The following PPP2R2C variants were observed in gnomAD, a reference collection of about 807,000 sequenced individuals.
PPP2R2C encodes the protein protein phosphatase 2 regulatory subunit Bgamma, also known as protein phosphatase 2, regulatory subunit B, gamma.
A neutral mutation model predicts 45.3 loss-of-function variants in PPP2R2C; 10 were observed. That is an observed-to-expected ratio of 0.22 (90% CI 0.14 to 0.37). The LOEUF (loss-of-function observed/expected upper bound fraction) is 0.37. Ranked by LOEUF, PPP2R2C falls within the 10% of genes least tolerant of loss-of-function variation. The probability of loss-of-function intolerance (pLI) is 1.00; values close to 1 mark genes in which losing one functional copy is unlikely to be tolerated. For missense variants in PPP2R2C, 308 were observed against 619.7 expected, an observed-to-expected ratio of 0.50 and a Z score of 5.34; for synonymous variants, 257 against 245.4, an observed-to-expected ratio of 1.05 and a Z score of -0.44.
chr4:6,557,589 G>A (rs1432562163), intron 1 of PPP2R2C, among the ~76,000 whole-genome samples: 2 of 152,138 alleles, frequency 1.3e-5, no homozygotes, highest in Non-Finnish European at 2.9e-5. Flanking sequence ...CAAAGGGCCC[G>A]GGACAGGAGA....
chr4:6,549,389 G>A (rs374932572), intron 1 of PPP2R2C, among the ~76,000 whole-genome samples: 1 of 152,198 alleles, frequency 6.6e-6, no homozygotes, highest in Non-Finnish European at 1.5e-5. Context: ...ACTCCAGATG[G>A]AGGGTGGTCC....
At chr4:6,499,200 T>C (rs879434480) in intron 2 of PPP2R2C, among the ~76,000 whole-genome samples, 1 of 151,942 alleles carries the variant, frequency 6.6e-6, no homozygotes, top group African/African-American at 2.4e-5. Flanking sequence ...GTGTGTTGAG[T>C]GACTAAACAA....
intron 6 of PPP2R2C, 29 bp downstream of exon 6, chr4:6,347,792 CACCCGCCCGCCTGCCCAATGCACAG>C: frequency 1.7e-5 from 14 of 838,892 alleles, no homozygotes; most frequent in Non-Finnish European, 2.0e-5. Context: ...CAGGACATCC[CACCCGCCCGCCTGCCCAATGCACAG>C]CCCCCCACCC....
At chr4:6,486,644 C>CT (rs1722537993) in intron 2 of PPP2R2C, among the ~76,000 whole-genome samples, 1 of 151,960 alleles carries the variant, frequency 6.6e-6, no homozygotes, top group Non-Finnish European at 1.5e-5. Flanking sequence ...GTGAGATCTA[C>CT]TTTGAGATTA....
At chr4:6,551,484 A>T (rs1477412372) in intron 1 of PPP2R2C, among the ~76,000 whole-genome samples, 1 of 152,236 alleles carries the variant, frequency 6.6e-6, no homozygotes, top group Non-Finnish European at 1.5e-5. Context: ...CCCCATCAAG[A>T]GATGAGGTCT....
Position 6,416,800 on chromosome 4 carries a change from G to A in PPP2R2C, c.71-35706C>T, listed in dbSNP as rs1004279494. On this transcript the variant is annotated intron_variant, in intron 1 of 8. Coordinates refer to ENST00000382599, the MANE Select transcript of PPP2R2C (RefSeq NM_020416.4). The stretch of plus-strand genomic sequence containing the variant: ...ACCATCTGGCAGGGCTGGAGGAGGA[G>A]GGAGACACTTCTTCCAAGCCTGCTG... 2.8e-4 allele frequency among the ~76,000 whole-genome samples: 43 copies of A among 152,348 alleles called. No individual in the cohort carries two copies. In the East Asian group the frequency reaches 7.9e-3, roughly 28 times the overall value.
chr4:6,539,044 G>A (rs1162330933), intron 1 of PPP2R2C, among the ~76,000 whole-genome samples: 1 of 152,102 alleles, frequency 6.6e-6, no homozygotes, highest in African/African-American at 2.4e-5. Flanking sequence ...ACCTCAGGAT[G>A]TGATCTTATT....
intron 1 of PPP2R2C, among the ~76,000 whole-genome samples, chr4:6,456,171 G>T (rs1017278819): frequency 3.3e-5 from 5 of 152,246 alleles, no homozygotes; most frequent in Non-Finnish European, 7.3e-5. Context: ...AGTGCAGGAT[G>T]ATCTGGGAAA....
At chr4:6,556,203 T>A (rs1045250274) in intron 1 of PPP2R2C, among the ~76,000 whole-genome samples, 9 of 152,032 alleles carry the variant, frequency 5.9e-5, no homozygotes, top group Admixed American at 2.6e-4. Context: ...TCTGTGAGGG[T>A]GTTTCCAGTA....
intron 2 of PPP2R2C, among the ~76,000 whole-genome samples, chr4:6,518,026 G>T (rs1723881387): frequency 6.6e-6 from 1 of 152,220 alleles, no homozygotes; most frequent in African/African-American, 2.4e-5. Flanking sequence ...TCAGAATGGA[G>T]AGGATTGAAA....
At chr4:6,486,319 C>T (rs915215026) in intron 2 of PPP2R2C, among the ~76,000 whole-genome samples, 1 of 151,942 alleles carries the variant, frequency 6.6e-6, no homozygotes, top group Non-Finnish European at 1.5e-5. Flanking sequence ...GATGAATGTT[C>T]GGTGGTGTGT....
At chr4:6,455,792 G>A (rs935253170) in intron 1 of PPP2R2C, among the ~76,000 whole-genome samples, 8 of 152,124 alleles carry the variant, frequency 5.3e-5, no homozygotes, top group Non-Finnish European at 8.8e-5. Flanking sequence ...ACCACGCCGT[G>A]CTGTGCCCAT....
chr4:6,326,133 A>G (rs771530859), intron 8 of PPP2R2C, among the ~76,000 whole-genome samples: 1 of 152,210 alleles, frequency 6.6e-6, no homozygotes, highest in African/African-American at 2.4e-5. Context: ...CACAGAGCCA[A>G]TCAGATCCTT....
intron 1 of PPP2R2C, among the ~76,000 whole-genome samples, chr4:6,396,353 C>T (rs565836166): frequency 6.6e-6 from 1 of 152,348 alleles, no homozygotes; most frequent in African/African-American, 2.4e-5. Context: ...AAGCCCACCA[C>T]ACCCCTCTCA....
intron 1 of PPP2R2C, among the ~76,000 whole-genome samples, chr4:6,450,758 T>G (rs1263634288): frequency 6.6e-6 from 1 of 152,156 alleles, no homozygotes; most frequent in East Asian, 1.9e-4. Context: ...TTCAGTTTCC[T>G]TCTCTGCCAA....
rs1721928464 is a variant in PPP2R2C at position 6,472,070 on chromosome 4, C to G, written c.70+90G>C. ...TGGGGCGGGGGGACACGACACACAT[C>G]GCGCGGTCCAAACCTTCGGAGGGCA... On this transcript the variant is annotated intron_variant, in intron 1 of 8. Coordinates refer to ENST00000382599, the MANE Select transcript of PPP2R2C (RefSeq NM_020416.4). The G allele has an allele frequency of 1.9e-5, 29 of 1,529,576 alleles. No individual in the cohort carries two copies. The South Asian group carries it at 2.9e-4, about 16-fold the overall frequency. 94.8% of individuals were successfully genotyped at this position (1,529,576 alleles called of 1,614,324 possible). A position where few individuals can be genotyped will look rare whatever the true frequency, so the allele number is the denominator to read the frequency against.
chr4:6,410,154 G>A (rs1242754438), intron 1 of PPP2R2C, among the ~76,000 whole-genome samples: 1 of 152,164 alleles, frequency 6.6e-6, no homozygotes, highest in Non-Finnish European at 1.5e-5. Context: ...CCAAAGGTGT[G>A]AGCCCTCCCC....
chr4:6,363,312 C>T (rs949659345), intron 5 of PPP2R2C, among the ~76,000 whole-genome samples: 3 of 152,180 alleles, frequency 2.0e-5, no homozygotes, highest in African/African-American at 7.2e-5. Flanking sequence ...GGTGCGGTGG[C>T]TAACGCCTGT....
chr4:6,505,160 T>TG (rs926905473), intron 2 of PPP2R2C, among the ~76,000 whole-genome samples: 3 of 137,526 alleles, frequency 2.2e-5, no homozygotes, highest in South Asian at 2.8e-4. Context: ...TTAAAGTGCT[T>TG]GGAAAAAAAA....
Sources: allele counts gnomAD v4.1 joint callset (sites outside exome capture counted in the v4.1 genomes callset), GRCh38; gene constraint gnomAD v4.1.1; transcripts MANE v1.5; gene names NCBI Gene and HGNC (gene_info 2026-07-23, HGNC 2026-07-21).